Variants in BMAL2 observed in about 807,000 individuals in gnomAD.
The protein encoded by BMAL2 is basic helix-loop-helix ARNT-like protein 2.
chr12:27,377,624 C>T, the BMAL2 span: 1 of 152,028 alleles, frequency 6.6e-6, no homozygotes, highest in South Asian at 2.1e-4. Context: ...CTCTGTAATC[C>T]CAGCTCCTTG....
At chr12:27,359,389 C>T in the BMAL2 span, among the ~76,000 whole-genome samples, 1 of 152,056 alleles carries the variant, frequency 6.6e-6, no homozygotes, top group Admixed American at 6.6e-5. Flanking sequence ...TTGAATAAAC[C>T]CTCGGTACTT....
the BMAL2 span, among the ~76,000 whole-genome samples, chr12:27,372,796 C>A: frequency 6.6e-6 from 1 of 152,176 alleles, no homozygotes; most frequent in Non-Finnish European, 1.5e-5. Flanking sequence ...ACCTCAGCCT[C>A]CCAAGTAGCT....
At chr12:27,390,388 T>G in the BMAL2 span, 1 of 827,778 alleles carries the variant, frequency 1.2e-6, no homozygotes, top group Non-Finnish European at 1.8e-6. Flanking sequence ...AAACCAAAAT[T>G]ACTTACATTT....
the BMAL2 span, among the ~76,000 whole-genome samples, chr12:27,358,996 G>A: frequency 2.8e-5 from 4 of 142,580 alleles, no homozygotes; most frequent in African/African-American, 1.2e-4. Context: ...AAAGTAATGT[G>A]TCAATGGTAA....
the BMAL2 span, among the ~76,000 whole-genome samples, chr12:27,359,852 C>A: frequency 1.3e-5 from 2 of 151,900 alleles, no homozygotes; most frequent in East Asian, 3.9e-4. Flanking sequence ...GAACTGAACA[C>A]CATTTGGAAT....
the BMAL2 span, among the ~76,000 whole-genome samples, chr12:27,359,253 T>C: frequency 1.3e-5 from 2 of 152,212 alleles, no homozygotes; most frequent in African/African-American, 4.8e-5. Flanking sequence ...TCCATGTTCC[T>C]TGTTGCAAGA....
At chr12:27,381,243 A>G in the BMAL2 span, among the ~76,000 whole-genome samples, 1 of 152,176 alleles carries the variant, frequency 6.6e-6, no homozygotes, top group South Asian at 2.1e-4. Context: ...TTGAGCTTGA[A>G]TTTTAAATCA....
chr12:27,401,817 A>G, the BMAL2 span: 2 of 601,610 alleles, frequency 3.3e-6, no homozygotes, highest in Non-Finnish European at 5.4e-6. Context: ...TGAGTAATTC[A>G]TTTACTGTTC....
the BMAL2 span, among the ~76,000 whole-genome samples, chr12:27,373,150 G>A: frequency 1.3e-5 from 2 of 152,182 alleles, no homozygotes. Flanking sequence ...GGTTTTCTGA[G>A]CATCGATCAA....
At chr12:27,336,973 A>C in the BMAL2 span, among the ~76,000 whole-genome samples, 1 of 148,082 alleles carries the variant, frequency 6.8e-6, no homozygotes, top group Admixed American at 6.7e-5. Context: ...AAAAAAAAGT[A>C]TTTTAAACTT....
chr12:27,397,880 TG>T, the BMAL2 span, among the ~76,000 whole-genome samples: 4,409 of 152,322 alleles, frequency 0.029, 123 homozygotes, highest in Non-Finnish European at 0.045. Flanking sequence ...ACTTGTTTCT[TG>T]TGCATGTGTG....
chr12:27,367,830 GTA>G, the BMAL2 span, among the ~76,000 whole-genome samples: 133,709 of 149,378 alleles, frequency 0.9, 60,483 homozygotes, highest in East Asian at 1. Flanking sequence ...GTGTGTGTGT[GTA>G]TATATATATA....
chr12:27,414,598 A>C, the BMAL2 span, among the ~76,000 whole-genome samples: 3 of 152,226 alleles, frequency 2.0e-5, no homozygotes, highest in Non-Finnish European at 4.4e-5. Context: ...AAAAATCTTG[A>C]GAAAAATGAA....
the BMAL2 span, among the ~76,000 whole-genome samples, chr12:27,407,845 A>G: frequency 1.1e-3 from 174 of 152,318 alleles, 2 homozygotes; most frequent in South Asian, 5.4e-3. Context: ...ATCGACCGCT[A>G]GCAAGACTAA....
chr12:27,379,100 A>G, the BMAL2 span, among the ~76,000 whole-genome samples: 5 of 152,344 alleles, frequency 3.3e-5, no homozygotes, highest in East Asian at 5.8e-4. Context: ...ATTCAAAGCC[A>G]TCCTGGAGCA....
chr12:27,332,948 C>T, the BMAL2 span: 2 of 723,418 alleles, frequency 2.8e-6, no homozygotes, highest in Non-Finnish European at 1.8e-6. Context: ...CCGCGGCACC[C>T]GGCAGGGCCC....
At chr12:27,408,180 A>T in the BMAL2 span, among the ~76,000 whole-genome samples, 1 of 152,186 alleles carries the variant, frequency 6.6e-6, no homozygotes, top group Non-Finnish European at 1.5e-5. Context: ...AGGAGCTGGT[A>T]CCATTCCTTC....
chr12:27,348,843 T>C, the BMAL2 span, among the ~76,000 whole-genome samples: 2 of 152,082 alleles, frequency 1.3e-5, no homozygotes, highest in Non-Finnish European at 2.9e-5. Flanking sequence ...GAGCTGTGCC[T>C]GGTGAGGGAA....
chr12:27,420,409 G>T, the BMAL2 span: 2 of 1,614,052 alleles, frequency 1.2e-6, no homozygotes, highest in South Asian at 2.2e-5. Flanking sequence ...ATGGTGCACA[G>T]TTGGATTTCG....
Sources: gnomAD v4.1 joint callset for allele counts (sites outside exome capture counted in the v4.1 genomes callset) on GRCh38, gnomAD v4.1.1 for gene constraint, MANE v1.5 for transcripts, NCBI Gene and HGNC (gene_info 2026-07-23, HGNC 2026-07-21) for gene names.